Variants in P2RY8 observed in about 807,000 individuals in gnomAD.
The protein encoded by P2RY8 is P2Y receptor family member 8.
Under a neutral mutation model 10.0 loss-of-function variants are expected in P2RY8, and 6 were observed. The observed-to-expected ratio is 0.60, with a 90% CI of 0.33 to 1.19. P2RY8 has a LOEUF of 1.19. Ranked by LOEUF, P2RY8 falls within the 50% of genes most tolerant of loss-of-function variation. The pLI, the probability that P2RY8 is intolerant of heterozygous loss-of-function variation, is 0.04. For missense variants in P2RY8, 456 were observed against 542.0 expected (o/e 0.84, Z 1.58); for synonymous variants, 276 against 252.5 (o/e 1.09, Z -0.88).
intron 1 of P2RY8, among the ~76,000 whole-genome samples, chrX:1,496,946 T>C (rs1443620880): frequency 1.3e-5 from 2 of 149,706 alleles, no homozygotes; most frequent in East Asian, 2.0e-4. Flanking sequence ...AGGCCGGGCG[T>C]GGTGGCTCAC....
chrX:1,506,180 A>C (rs1193470320), intron 1 of P2RY8, among the ~76,000 whole-genome samples: 5 of 151,688 alleles, frequency 3.3e-5, no homozygotes, highest in Non-Finnish European at 7.4e-5. Context: ...TTTAGTAGAG[A>C]CGGGGTTTTG....
At chrX:1,469,486 A>G (rs2091754631) in intron 1 of P2RY8, among the ~76,000 whole-genome samples, 1 of 151,724 alleles carries the variant, frequency 6.6e-6, no homozygotes, top group Non-Finnish European at 1.5e-5. Context: ...CCTTTTTCTT[A>G]TGCTTTGCAG....
intron 1 of P2RY8, among the ~76,000 whole-genome samples, chrX:1,509,143 C>CT (rs1183363872): frequency 1.3e-4 from 18 of 142,594 alleles, no homozygotes; most frequent in African/African-American, 4.2e-4. Context: ...ATCTATCTAT[C>CT]ATCTATGTAT....
rs1469548913 is a variant in P2RY8, at chrX:1,527,239, ATCCG to A, written c.-25+9678_-25+9681del. On this transcript the variant is annotated intron_variant, in intron 1 of 1. Coordinates refer to ENST00000381297, the MANE Select transcript of P2RY8 (RefSeq NM_178129.5). ...CATCCACCTACCTATCCATCTGTTCATCCGTCCATCTATTTATTCATTCATCTAC... is the reference window on the plus strand; with the variant it reads ...CATCCACCTACCTATCCATCTGTTCATCCATCTATTTATTCATTCATCTAC... Among the ~76,000 whole-genome samples, 4 of 152,130 alleles carry A rather than the reference ATCCG, an allele frequency of 2.6e-5. No individual in the cohort carries two copies. The South Asian group carries it at 6.2e-4, about 24-fold the overall frequency.
chrX:1,515,617 C>T (rs1218618347), intron 1 of P2RY8, among the ~76,000 whole-genome samples: 21 of 151,848 alleles, frequency 1.4e-4, no homozygotes, highest in South Asian at 1.2e-3. Flanking sequence ...GTGATCCACC[C>T]GCCTCGGCCT....
chrX:1,468,203 A>G (rs1460407532), intron 1 of P2RY8, among the ~76,000 whole-genome samples: 1 of 152,108 alleles, frequency 6.6e-6, no homozygotes, highest in Non-Finnish European at 1.5e-5. Flanking sequence ...CTCCCAAAGC[A>G]TTGGGATTAC....
At position 1,465,511 on chromosome X, in the gene P2RY8, G is replaced by A; in HGVS notation, c.1048C>T (p.Pro350Ser). 6.2e-7 allele frequency: 1 copy of A among 1,610,410 alleles called. No homozygotes were observed. Among genetic ancestry groups the A allele is most frequent in the Non-Finnish European group, 8.5e-7 (1 of 1,178,824 alleles). Residue 350 changes from proline to serine, a missense_variant, in exon 2 of 2, where the codon CCC (proline) becomes TCC (serine). Transcript: ENST00000381297. ...HPEGMEGATRPGLQRQESVF is the reference protein window; with the variant it reads ...HPEGMEGATRSGLQRQESVF ...ACACTCTCCTGCCTCTGGAGGCCGG[G>A]CCTGGTGGCTCCCTCCATCCCTTCA...
intron 1 of P2RY8, among the ~76,000 whole-genome samples, chrX:1,504,059 T>C (rs2149399201): frequency 6.6e-6 from 1 of 152,206 alleles, no homozygotes; most frequent in African/African-American, 2.4e-5. Context: ...GGCTCACGCC[T>C]GTAATCCCAG....
At position 1,465,426 on chromosome X, in the gene P2RY8, G is replaced by C; in HGVS notation, c.*53C>G. On this transcript the variant is annotated 3_prime_UTR_variant, in exon 2 of 2. Coordinates refer to ENST00000381297, the MANE Select transcript of P2RY8 (RefSeq NM_178129.5). ...CTCTGGCACCGTGGCCTCTCCATGC[G>C]CCCCTGGATCTCCAAGCTGCGCCCC... 5 of 1,542,470 alleles carry C rather than the reference G, an allele frequency of 3.2e-6. No individual in the cohort carries two copies. The highest frequency in any genetic ancestry group is 4.3e-6 in the Non-Finnish European group (5 of 1,150,286).
intron 1 of P2RY8, among the ~76,000 whole-genome samples, chrX:1,533,989 T>C (rs2092503429): frequency 8.0e-6 from 1 of 124,544 alleles, no homozygotes; most frequent in Admixed American, 9.0e-5. Flanking sequence ...ATATTATATA[T>C]TTATATATTA....
At chrX:1,498,148 T>C (rs1163224080) in intron 1 of P2RY8, among the ~76,000 whole-genome samples, 1 of 152,034 alleles carries the variant, frequency 6.6e-6, no homozygotes, top group East Asian at 1.9e-4. Flanking sequence ...GGCTCACGCC[T>C]GTCATCCCAG....
At chrX:1,532,505 GTATAGA>G (rs1489217341) in intron 1 of P2RY8, among the ~76,000 whole-genome samples, 26 of 128,340 alleles carry the variant, frequency 2.0e-4, no homozygotes, top group East Asian at 4.3e-4. Flanking sequence ...ACACATATAT[GTATAGA>G]TGTATATGAT....
intron 1 of P2RY8, among the ~76,000 whole-genome samples, chrX:1,521,029 CTTTTCTTTTTTTTT>C (rs1179834968): frequency 2.4e-5 from 2 of 83,870 alleles, no homozygotes; most frequent in East Asian, 4.4e-4. Flanking sequence ...TCTGATTTTT[CTTTTCTTTTTTTTT>C]TTTTTTTTTT....
intron 1 of P2RY8, among the ~76,000 whole-genome samples, chrX:1,510,017 G>T (rs2092287438): frequency 6.6e-6 from 1 of 151,494 alleles, no homozygotes; most frequent in African/African-American, 2.4e-5. Context: ...TCCATTCATT[G>T]TATCTACCAT....
At chrX:1,513,363 G>C (rs1374229291) in intron 1 of P2RY8, among the ~76,000 whole-genome samples, 1 of 152,168 alleles carries the variant, frequency 6.6e-6, no homozygotes, top group South Asian at 2.1e-4. Flanking sequence ...TTCCAGGTGA[G>C]ATTTGGGTGG....
At chrX:1,474,161 G>A (rs1242475874) in intron 1 of P2RY8, among the ~76,000 whole-genome samples, 1 of 151,816 alleles carries the variant, frequency 6.6e-6, no homozygotes, top group Non-Finnish European at 1.5e-5. Context: ...TAGATGGATG[G>A]GTGGGTGTAT....
At position 1,485,935 on chromosome X, in the gene P2RY8, G is replaced by T. The variant is rs756274140; in HGVS notation, c.-24-19353C>A. On this transcript the variant is annotated intron_variant, in intron 1 of 1. Coordinates refer to ENST00000381297, the MANE Select transcript of P2RY8 (RefSeq NM_178129.5). ...GGTAGCATTAGAAAATGTATAAAAA[G>T]GGGCTAGGTGTGGTGGCTCACACCT... 1.1e-3 allele frequency among the ~76,000 whole-genome samples: 160 copies of T among 152,122 alleles called. 1 individual carries two copies. Among genetic ancestry groups the T allele is most frequent in the African/African-American group, 3.6e-3 (148 of 41,516 alleles).
At chrX:1,522,430 C>T (rs1246843593) in intron 1 of P2RY8, among the ~76,000 whole-genome samples, 25 of 152,096 alleles carry the variant, frequency 1.6e-4, no homozygotes, top group African/African-American at 5.3e-4. Flanking sequence ...ACTTTAAATG[C>T]AATCCTCAGA....
chrX:1,497,559 G>A (rs1456755289), intron 1 of P2RY8, among the ~76,000 whole-genome samples: 9 of 152,168 alleles, frequency 5.9e-5, no homozygotes, highest in Non-Finnish European at 1.0e-4. Context: ...TCAGGAGGCC[G>A]AGGCAGGAGA....
Sources: gnomAD v4.1 joint callset for allele counts (sites outside exome capture counted in the v4.1 genomes callset) on GRCh38, gnomAD v4.1.1 for gene constraint, MANE v1.5 for transcripts, NCBI Gene and HGNC (gene_info 2026-07-23, HGNC 2026-07-21) for gene names.